PPARGC1A: variants seen among roughly 807,000 people sequenced by gnomAD.
PPARGC1A encodes PPARG coactivator 1 alpha.
In PPARGC1A, 25 loss-of-function variants were observed where a neutral mutation model predicts 88.7. That is an observed-to-expected ratio of 0.28 (90% CI 0.21 to 0.39). The LOEUF (loss-of-function observed/expected upper bound fraction) is 0.39, where lower values mean the gene tolerates loss of function less well. Ranked by LOEUF, PPARGC1A falls within the 10% of genes least tolerant of loss-of-function variation. PPARGC1A has a pLI of 1.00. For synonymous variants in PPARGC1A, 363 were observed against 355.6 expected (o/e 1.02, Z -0.24); for missense variants, 880 against 968.7 (o/e 0.91, Z 1.22).
At chr4:24,264,743 A>C in the PPARGC1A span, among the ~76,000 whole-genome samples, 8 of 152,246 alleles carry the variant, frequency 5.3e-5, no homozygotes, top group African/African-American at 1.7e-4. Context: ...TAAAAAGCGC[A>C]ACAGGAATGC....
At chr4:24,272,172 CTCTG>C in the PPARGC1A span, among the ~76,000 whole-genome samples, 2 of 152,280 alleles carry the variant, frequency 1.3e-5, no homozygotes, top group African/African-American at 4.8e-5. Flanking sequence ...ATATTTTCAC[CTCTG>C]TCTGTCTTTA....
At chr4:23,965,895 T>C in the PPARGC1A span, among the ~76,000 whole-genome samples, 1 of 152,242 alleles carries the variant, frequency 6.6e-6, no homozygotes, top group Admixed American at 6.5e-5. Flanking sequence ...CTTTTTATCT[T>C]GTCATGCTTC....
chr4:23,938,477 T>C, the PPARGC1A span, among the ~76,000 whole-genome samples: 1 of 152,170 alleles, frequency 6.6e-6, no homozygotes, highest in African/African-American at 2.4e-5. Flanking sequence ...AGACATGCCT[T>C]CCAGGAGCAT....
chr4:24,254,908 A>G, the PPARGC1A span, among the ~76,000 whole-genome samples: 1 of 152,110 alleles, frequency 6.6e-6, no homozygotes, highest in Non-Finnish European at 1.5e-5. Flanking sequence ...AAATCTGTCC[A>G]TTTTTCAGGG....
At chr4:23,815,449 G>A (rs150551642) in intron 7 of PPARGC1A, among the ~76,000 whole-genome samples, 7 of 152,236 alleles carry the variant, frequency 4.6e-5, no homozygotes, top group Non-Finnish European at 7.4e-5. Flanking sequence ...ATAAGGGAGG[G>A]TTATGAGACT....
chr4:24,233,282 T>C, the PPARGC1A span, among the ~76,000 whole-genome samples: 1 of 152,220 alleles, frequency 6.6e-6, no homozygotes, highest in Admixed American at 6.5e-5. Context: ...TGATATGATG[T>C]GATATGTTGG....
the PPARGC1A span, among the ~76,000 whole-genome samples, chr4:24,266,432 A>G: frequency 6.6e-6 from 1 of 152,268 alleles, no homozygotes; most frequent in East Asian, 1.9e-4. Flanking sequence ...GCATTCATTC[A>G]TTCAGTCAGT....
the PPARGC1A span, among the ~76,000 whole-genome samples, chr4:24,376,454 T>A: frequency 5.6e-4 from 86 of 152,310 alleles, no homozygotes; most frequent in Admixed American, 2.7e-3. Flanking sequence ...TATGCCCAAC[T>A]GAATAAAGCA....
the PPARGC1A span, among the ~76,000 whole-genome samples, chr4:24,282,834 C>G: frequency 1.3e-5 from 2 of 152,178 alleles, no homozygotes; most frequent in Admixed American, 6.5e-5. Flanking sequence ...TCCATACACA[C>G]CTGTCACCCA....
the PPARGC1A span, among the ~76,000 whole-genome samples, chr4:24,023,431 G>A: frequency 1.1e-4 from 17 of 152,316 alleles, no homozygotes; most frequent in African/African-American, 4.1e-4. Flanking sequence ...AAAAAGTAGA[G>A]AAAGACAGAG....
chr4:24,042,185 C>T, the PPARGC1A span, among the ~76,000 whole-genome samples: 2 of 152,186 alleles, frequency 1.3e-5, no homozygotes. Context: ...ACCAGCCCCG[C>T]TCAGCATTCC....
chr4:24,365,665 T>C, the PPARGC1A span, among the ~76,000 whole-genome samples: 3 of 152,214 alleles, frequency 2.0e-5, no homozygotes, highest in Admixed American at 2.0e-4. Flanking sequence ...ATCAGATAAA[T>C]TCCAGTTGGG....
the PPARGC1A span, among the ~76,000 whole-genome samples, chr4:24,170,829 G>A: frequency 6.6e-6 from 1 of 152,164 alleles, no homozygotes; most frequent in South Asian, 2.1e-4. Context: ...CTCTCCTTGA[G>A]ACAAGAACCT....
At chr4:24,028,498 T>C in the PPARGC1A span, among the ~76,000 whole-genome samples, 1 of 152,152 alleles carries the variant, frequency 6.6e-6, no homozygotes, top group Non-Finnish European at 1.5e-5. Context: ...GTCATACAGG[T>C]ACTAAATGAC....
At chr4:23,976,019 G>T in the PPARGC1A span, among the ~76,000 whole-genome samples, 1 of 152,138 alleles carries the variant, frequency 6.6e-6, no homozygotes, top group Admixed American at 6.5e-5. Flanking sequence ...GATGAAGATA[G>T]CAATGAGAAC....
At chr4:24,448,721 G>A in the PPARGC1A span, among the ~76,000 whole-genome samples, 1 of 152,112 alleles carries the variant, frequency 6.6e-6, no homozygotes, top group South Asian at 2.1e-4. Context: ...GACCTTTCCA[G>A]GGAGACCTCC....
chr4:23,855,998 A>G (rs1272835715), intron 2 of PPARGC1A, among the ~76,000 whole-genome samples: 1 of 152,256 alleles, frequency 6.6e-6, no homozygotes, highest in African/African-American at 2.4e-5. Context: ...TAAATAAATT[A>G]CTGCACTAGT....
chr4:23,865,426 G>GGTA (rs1226519034), intron 2 of PPARGC1A, among the ~76,000 whole-genome samples: 1 of 152,072 alleles, frequency 6.6e-6, no homozygotes, highest in African/African-American at 2.4e-5. Context: ...CATAACCAAG[G>GGTA]GTAGTGATTG....
the PPARGC1A span, among the ~76,000 whole-genome samples, chr4:24,076,783 T>C: frequency 5.3e-5 from 8 of 152,192 alleles, no homozygotes; most frequent in African/African-American, 1.9e-4. Flanking sequence ...AACTAAGTCT[T>C]ACATACCCCC....
Sources: allele counts gnomAD v4.1 joint callset (sites outside exome capture counted in the v4.1 genomes callset), GRCh38; gene constraint gnomAD v4.1.1; transcripts MANE v1.5; gene names NCBI Gene and HGNC (gene_info 2026-07-23, HGNC 2026-07-21).